Variants in RBM42 observed in about 807,000 individuals in gnomAD.
RBM42 encodes RNA binding motif protein 42.
Under a neutral mutation model 41.4 loss-of-function variants are expected in RBM42, and 21 were observed. The observed-to-expected ratio is 0.51, with a 90% CI of 0.36 to 0.73. The LOEUF (loss-of-function observed/expected upper bound fraction) is 0.73. Ranked by LOEUF, RBM42 falls within the 30% of genes least tolerant of loss-of-function variation. The pLI is 0.00. For missense variants in RBM42, 539 were observed against 680.4 expected (o/e 0.79, Z 2.31); for synonymous variants, 272 against 271.2 (o/e 1.00, Z -0.03).
rs754276246 is a variant in RBM42 at position 35,629,565 on chromosome 19, T to C, written c.174T>C (p.Thr58=). Residue 58 remains threonine, a synonymous_variant, in exon 2 of 10, where the codon ACT becomes ACC. Coordinates refer to ENST00000262633, the MANE Select transcript of RBM42 (RefSeq NM_024321.5). ...VLGAPVPGIP[T]AVPAVPTVPT... is the part of the protein sequence containing the mutation. The stretch of plus-strand genomic sequence containing the variant: ...GGGCTCCAGTACCTGGAATCCCAAC[T>C]GCTGTGCCTGCGGTGCCCACTGTCC... 5 of 1,614,238 alleles carry C rather than the reference T, an allele frequency of 3.1e-6. No homozygotes were observed. The highest frequency in any genetic ancestry group is 1.7e-5 in the Admixed American group (1 of 60,032).
At chr19:35,634,046 G>T (rs1221504132) in intron 7 of RBM42, 27 bp downstream of exon 7, 1 of 1,471,148 alleles carries the variant, frequency 6.8e-7, no homozygotes, top group Non-Finnish European at 9.0e-7. Flanking sequence ...GCGGTGAAGG[G>T]ACAGAAGGGA....
chr19:35,635,976 C>T (rs547531991), intron 8 of RBM42, among the ~76,000 whole-genome samples: 1 of 152,132 alleles, frequency 6.6e-6, no homozygotes, highest in East Asian at 1.9e-4. Flanking sequence ...TAGAGTGTCC[C>T]ATATCACAGA....
intron 2 of RBM42, among the ~76,000 whole-genome samples, chr19:35,630,312 CAAA>C (rs35545845): frequency 6.5e-5 from 7 of 107,924 alleles, no homozygotes; most frequent in Non-Finnish European, 5.6e-5. Flanking sequence ...GACTCCGTCT[CAAA>C]AAAAAAAAAA....
intron 2 of RBM42, among the ~76,000 whole-genome samples, chr19:35,630,868 G>A (rs892274056): frequency 6.6e-6 from 1 of 152,244 alleles, no homozygotes; most frequent in African/African-American, 2.4e-5. Flanking sequence ...TGGAGGTTGT[G>A]CATGGGAGAT....
At position 35,637,201 on chromosome 19, in the gene RBM42, C is replaced by T. The variant is rs201539955; in HGVS notation, c.1179C>T (p.Asn393=). ...GTGGGGATCTGGGCAATGAGGTGAA[C>T]GATGACATCTTGGCACGCGCCTTCA... ...IFCGDLGNEV[N]DDILARAFSR... Residue 393 remains asparagine, a synonymous_variant, in exon 9 of 10, where the codon AAC becomes AAT. Transcript: ENST00000262633. This position sits in a 1 kb window ranked among gnomAD's most constrained non-coding sequence, Gnocchi z 7.0. The T allele has an allele frequency of 2.6e-5, 42 of 1,614,106 alleles. No homozygotes were observed. The Middle Eastern group carries it at 8.2e-4, about 32-fold the overall frequency.
At position 35,629,124 on chromosome 19, in the gene RBM42, G is replaced by T; in HGVS notation, c.-30G>T. 2 of 1,519,912 alleles carry T rather than the reference G, an allele frequency of 1.3e-6. No individual in the cohort carries two copies. The highest frequency in any genetic ancestry group is 1.8e-6 in the Non-Finnish European group (2 of 1,137,730). 94.2% of individuals were successfully genotyped at this position (1,519,912 alleles called of 1,614,324 possible). The stretch of plus-strand genomic sequence containing the variant: ...CAGCGGCGGCGGCTAAGCAGAGACT[G>T]TAGTAGCGGCGACAGCGACGACGGC... On this transcript the variant is annotated 5_prime_UTR_variant, in exon 1 of 10. Coordinates refer to ENST00000262633, the MANE Select transcript of RBM42 (RefSeq NM_024321.5).
chr19:35,632,300 C>T (rs1041148174), intron 4 of RBM42, among the ~76,000 whole-genome samples: 1 of 152,138 alleles, frequency 6.6e-6, no homozygotes, highest in Non-Finnish European at 1.5e-5. Context: ...ACCCATGGCT[C>T]AGCCAAGAAT....
Position 35,637,285 on chromosome 19 carries a change from C to G in RBM42, c.1263C>G (p.Thr421=), listed in dbSNP as rs1422927386. ...KVIRDKRTGK[T]KGYGFVSFKD... ...TCCGTGACAAGCGCACAGGCAAGAC[C>G]AAGGGCTACGGCTTCGTCAGCTTCA... Residue 421 remains threonine, a synonymous_variant, in exon 9 of 10, where the codon ACC becomes ACG. Coordinates refer to ENST00000262633, the MANE Select transcript of RBM42 (RefSeq NM_024321.5). This position sits in a 1 kb window ranked among gnomAD's most constrained non-coding sequence, Gnocchi z 7.0. 3.7e-6 allele frequency: 6 copies of G among 1,614,238 alleles called. No individual in the cohort carries two copies. The Admixed American group carries it at 1.0e-4, about 27-fold the overall frequency.
intron 2 of RBM42, among the ~76,000 whole-genome samples, chr19:35,630,299 C>T (rs1464863003): frequency 2.8e-5 from 4 of 143,996 alleles, no homozygotes; most frequent in Admixed American, 7.1e-5. Context: ...GGTGACAGAG[C>T]GAGACTCCGT....
rs963198932 is a variant in RBM42, at chr19:35,629,340, G to C, written c.128+59G>C. 5.4e-6 allele frequency: 8 copies of C among 1,488,096 alleles called. No individual in the cohort carries two copies. In the East Asian group the frequency reaches 9.8e-5, roughly 18 times the overall value. 92.2% of individuals were successfully genotyped at this position (1,488,096 alleles called of 1,614,324 possible). A position where few individuals can be genotyped will look rare whatever the true frequency, so the allele number is the denominator to read the frequency against. ...CCCAGAGCCAGAGCCACCGAATCTC[G>C]GAGCCTCCAGGCCTCGATAGGCCGG... On this transcript the variant is annotated intron_variant, in intron 1 of 9. Transcript: ENST00000262633.
Position 35,637,322 on chromosome 19 carries a change from G to T in RBM42, c.1300G>T (p.Asp434Tyr), listed in dbSNP as rs769814696. ...CTTCGTCAGCTTCAAGGACCCCAGC[G>T]ACTACGTGCGCGCCATGCGTGAGAT... Reference protein sequence around the residue: ...YGFVSFKDPSDYVRAMREMNG... With the variant: ...YGFVSFKDPSYYVRAMREMNG... Residue 434 changes from aspartate (D) to tyrosine (Y), a missense_variant, in exon 9 of 10, where the codon GAC becomes TAC. Transcript: ENST00000262633. This position sits in a 1 kb window ranked among gnomAD's most constrained non-coding sequence, Gnocchi z 7.0. 3.1e-6 allele frequency: 5 copies of T among 1,614,110 alleles called. No individual in the cohort carries two copies. In the African/African-American group the frequency reaches 6.7e-5, roughly 22 times the overall value.
intron 1 of RBM42, 21 bp downstream of exon 1, chr19:35,629,302 T>A (rs1346076426): frequency 6.7e-7 from 1 of 1,501,402 alleles, no homozygotes; most frequent in South Asian, 1.2e-5. Flanking sequence ...CGACAGAGAG[T>A]GATAAAAGTC....
intron 3 of RBM42, 26 bp downstream of exon 3, chr19:35,631,250 G>T (rs751506197): frequency 6.2e-7 from 1 of 1,613,074 alleles, no homozygotes. Flanking sequence ...CAAGGTGAGG[G>T]GGTTGGGCAA....
chr19:35,629,746 G>A (rs1417613812), intron 2 of RBM42, 73 bp downstream of exon 2: 4 of 1,523,324 alleles, frequency 2.6e-6, no homozygotes, highest in Non-Finnish European at 3.6e-6. Context: ...TGTACAGAGA[G>A]CTGTTGACGT....
chr19:35,634,821 G>A (rs927940611), intron 8 of RBM42, among the ~76,000 whole-genome samples: 6 of 151,432 alleles, frequency 4.0e-5, no homozygotes, highest in Admixed American at 6.6e-5. Flanking sequence ...ACTGTACCTG[G>A]CCGGGAAAAA....
Position 35,633,971 on chromosome 19 carries a change from GC to G in RBM42, c.973del (p.Arg325GlyfsTer32). ...CTGAACTCCTGTCCCTGCGTCCTCG[GC>G]CCCGGCCCCCTCGGCCAGAGCCACC... Reference protein sequence around the residue: ...IPELLSLRPRPRPPRPEPPPG... With the variant: ...IPELLSLRPRXRPPRPEPPPG... On this transcript the variant is annotated frameshift_variant, in exon 7 of 10. Transcript: ENST00000262633. LOFTEE classifies it high-confidence loss of function. 2 of 1,545,928 alleles carry G rather than the reference GC, an allele frequency of 1.3e-6. No individual in the cohort carries two copies. Among genetic ancestry groups the G allele is most frequent in the Non-Finnish European group, 8.7e-7 (1 of 1,151,528 alleles).
In RBM42 at chr19:35,631,114, C is replaced by T. The variant is rs371798999; in HGVS notation, c.283-26C>T. ...GCAGATGGGAATGCTGAGTCAGGCC[C>T]CTCACCCTGACCTCTTCCTCGACAG... On this transcript the variant is annotated intron_variant, in intron 2 of 9. Coordinates refer to ENST00000262633, the MANE Select transcript of RBM42 (RefSeq NM_024321.5). The T allele has an allele frequency of 2.5e-6, 4 of 1,600,540 alleles. No homozygotes were observed. In the African/African-American group the frequency reaches 4.0e-5, roughly 16 times the overall value.
Position 35,637,514 on chromosome 19 carries a change from G to A in RBM42, c.1403G>A (p.Arg468His), listed in dbSNP as rs1383755998. The change falls in exon 10 of 10, where the codon CGC becomes CAC. Residue 468 changes from arginine to histidine, a missense_variant. Transcript: ENST00000262633. This position sits in a 1 kb window ranked among gnomAD's most constrained non-coding sequence, Gnocchi z 7.0. Reference sequence around the variant, plus strand: ...AAGGACCGGAATCTGGACGTGGTCCGCAAGAAGCAGAAGGAAAAGAAGAAG... The same window carrying A: ...AAGGACCGGAATCTGGACGTGGTCCACAAGAAGCAGAAGGAAAAGAAGAAG... ...MWKDRNLDVV[R>H]KKQKEKKKLG... The A allele has an allele frequency of 1.9e-6, 3 of 1,614,216 alleles. No individual in the cohort carries two copies. Among genetic ancestry groups the A allele is most frequent in the Non-Finnish European group, 2.5e-6 (3 of 1,180,026 alleles).
intron 2 of RBM42, among the ~76,000 whole-genome samples, chr19:35,630,312 CA>C (rs35545845): frequency 0.34 from 37,122 of 107,748 alleles, 5,065 homozygotes; most frequent in South Asian, 0.5. Context: ...GACTCCGTCT[CA>C]AAAAAAAAAA....
Sources: gnomAD v4.1 joint callset for allele counts (sites outside exome capture counted in the v4.1 genomes callset) on GRCh38, gnomAD v4.1.1 for gene constraint, Gnocchi (gnomAD v3.1) non-coding constraint, MANE v1.5 for transcripts, NCBI Gene and HGNC (gene_info 2026-07-23, HGNC 2026-07-21) for gene names.